The following SLC36A4 variants were observed in gnomAD, a reference collection of about 807,000 sequenced individuals.
The protein encoded by SLC36A4 is neutral amino acid uniporter 4.
In SLC36A4, 49 loss-of-function variants were observed where a neutral mutation model predicts 50.5. That is an observed-to-expected ratio of 0.97 (90% confidence interval 0.77 to 1.23). The LOEUF (loss-of-function observed/expected upper bound fraction) is 1.23. Ranked by LOEUF, SLC36A4 falls within the 50% of genes most tolerant of loss-of-function variation. The pLI is 0.00. For synonymous variants in SLC36A4, 207 were observed against 206.5 expected (o/e 1.00, Z -0.02); for missense variants, 611 against 608.4 (o/e 1.00, Z -0.05).
At chr11:93,162,990 A>C in intron 8 of SLC36A4, 115 bp from the exon 9 acceptor site, 1 of 780,048 alleles carries the variant, frequency 1.3e-6, no homozygotes, top group East Asian at 2.8e-5. Flanking sequence ...TTTTTCCTTT[A>C]AAACACATAT....
At chr11:93,150,860 C>T (rs1332239866) in intron 10 of SLC36A4, among the ~76,000 whole-genome samples, 1 of 151,964 alleles carries the variant, frequency 6.6e-6, no homozygotes, top group African/African-American at 2.4e-5. Context: ...CAAATATGAC[C>T]AGAATCTTGC....
chr11:93,197,412 A>T (rs984314490), intron 1 of SLC36A4: 3 of 335,368 alleles, frequency 8.9e-6, no homozygotes, highest in Non-Finnish European at 1.7e-5. Flanking sequence ...AGCATTTGAA[A>T]AGCAGAACAA....
intron 1 of SLC36A4, among the ~76,000 whole-genome samples, chr11:93,195,700 C>T (rs1182271029): frequency 6.6e-6 from 1 of 152,188 alleles, no homozygotes; most frequent in Non-Finnish European, 1.5e-5. Context: ...CCATCGCCAC[C>T]TCCATCACTC....
At position 93,145,891 on chromosome 11, in the gene SLC36A4, T is replaced by C. The variant is rs543536975; in HGVS notation, c.*2646A>G. On this transcript the variant is annotated 3_prime_UTR_variant, in exon 11 of 11. Coordinates refer to ENST00000326402, the MANE Select transcript of SLC36A4 (RefSeq NM_152313.4). ...AAAGCTAAATTTTCAGAGAAAAAAT[T>C]ACCCACTGGTTATTTTTGCAAATAA... The C allele has an allele frequency of 4.1e-4, 62 of 152,198 alleles. No individual in the cohort carries two copies. Among genetic ancestry groups the C allele is most frequent in the African/African-American group, 1.3e-3 (56 of 41,568 alleles). The allele number at this position is 152,198 out of a possible 1,614,324, so 9.4% of individuals were successfully genotyped here. A position where few individuals can be genotyped will look rare whatever the true frequency, so the allele number is the denominator to read the frequency against.
intron 1 of SLC36A4, chr11:93,197,526 ACACT>A (rs1270470700): frequency 5.6e-6 from 3 of 540,232 alleles, no homozygotes; most frequent in Admixed American, 3.7e-5. Flanking sequence ...CTCAACACAC[ACACT>A]CACCCACACG....
chr11:93,170,748 C>G (rs149565366), intron 6 of SLC36A4, among the ~76,000 whole-genome samples: 1 of 152,020 alleles, frequency 6.6e-6, no homozygotes, highest in Non-Finnish European at 1.5e-5. Context: ...AGAGGAACAA[C>G]TGTAACCACT....
intron 1 of SLC36A4, among the ~76,000 whole-genome samples, chr11:93,196,822 G>A (rs1473839121): frequency 6.6e-6 from 1 of 152,178 alleles, no homozygotes; most frequent in Non-Finnish European, 1.5e-5. Context: ...TAAAATTACT[G>A]TATCTATAAA....
chr11:93,180,461 G>T, intron 6 of SLC36A4: 1 of 337,558 alleles, frequency 3.0e-6, no homozygotes, highest in Non-Finnish European at 4.2e-6. Flanking sequence ...GCCTTATATA[G>T]TTCTTTAAAC....
At chr11:93,157,151 T>C (rs1460093298) in intron 9 of SLC36A4, among the ~76,000 whole-genome samples, 5 of 152,316 alleles carry the variant, frequency 3.3e-5, no homozygotes, top group African/African-American at 1.2e-4. Context: ...ATCAAATAGT[T>C]GCAGGTGTGT....
At chr11:93,165,480 A>C (rs1475570737) in intron 8 of SLC36A4, among the ~76,000 whole-genome samples, 2 of 152,126 alleles carry the variant, frequency 1.3e-5, no homozygotes, top group African/African-American at 4.8e-5. Flanking sequence ...AACTATTCTG[A>C]TTACCTTCAG....
intron 9 of SLC36A4, chr11:93,159,768 A>G (rs1860535615): frequency 2.1e-6 from 2 of 948,202 alleles, no homozygotes; most frequent in Non-Finnish European, 2.5e-6. Flanking sequence ...AGAAAGATTA[A>G]GGGTAATAAT....
intron 8 of SLC36A4, among the ~76,000 whole-genome samples, chr11:93,164,187 T>C (rs1433810640): frequency 1.3e-5 from 2 of 152,182 alleles, no homozygotes; most frequent in Non-Finnish European, 2.9e-5. Context: ...CTAGGAAGTA[T>C]ATGCATGTAT....
chr11:93,158,501 G>C (rs1343386980), intron 9 of SLC36A4, among the ~76,000 whole-genome samples: 1 of 151,990 alleles, frequency 6.6e-6, no homozygotes, highest in Non-Finnish European at 1.5e-5. Flanking sequence ...GAGTAAAAAT[G>C]GGAAATAAAA....
intron 9 of SLC36A4, among the ~76,000 whole-genome samples, chr11:93,157,109 C>G (rs1031079192): frequency 6.6e-6 from 1 of 152,068 alleles, no homozygotes; most frequent in Non-Finnish European, 1.5e-5. Context: ...GAATCCTTTC[C>G]CCATTGCTTG....
At chr11:93,185,903 C>G (rs752271972) in intron 1 of SLC36A4, 89 bp from the exon 2 acceptor site, 36 of 1,143,792 alleles carry the variant, frequency 3.1e-5, no homozygotes, top group Admixed American at 1.8e-4. Flanking sequence ...TTAGGAAACA[C>G]CATTTGTACT....
Position 93,148,269 on chromosome 11 carries a change from G to A in SLC36A4, c.*268C>T, listed in dbSNP as rs542587575. The A allele has an allele frequency of 3.6e-6, 1 of 275,152 alleles. No homozygotes were observed. Among genetic ancestry groups the A allele is most frequent in the East Asian group, 9.4e-5 (1 of 10,612 alleles). The allele number at this position is 275,152 out of a possible 1,614,324, so 17.0% of individuals were successfully genotyped here. On this transcript the variant is annotated 3_prime_UTR_variant, in exon 11 of 11. Coordinates refer to ENST00000326402, the MANE Select transcript of SLC36A4 (RefSeq NM_152313.4). Reference sequence around the variant, plus strand: ...TTACTGAGATAAAAGAATAATAGAAGTATTTTTATTCTTTAATTTTTTTAC... The same window carrying A: ...TTACTGAGATAAAAGAATAATAGAAATATTTTTATTCTTTAATTTTTTTAC...
chr11:93,197,709 G>A, intron 1 of SLC36A4, 69 bp downstream of exon 1: 2 of 1,512,500 alleles, frequency 1.3e-6, no homozygotes, highest in South Asian at 1.2e-5. Flanking sequence ...GGAGGTGTGG[G>A]CGCACCCGAC....
chr11:93,160,550 G>A (rs1450786222), intron 9 of SLC36A4: 2 of 985,218 alleles, frequency 2.0e-6, no homozygotes, highest in Non-Finnish European at 2.4e-6. Context: ...CTACTGCAGG[G>A]ACAGTGTCAC....
At chr11:93,182,738 T>G in intron 4 of SLC36A4, 68 bp downstream of exon 4, 1 of 1,167,532 alleles carries the variant, frequency 8.6e-7, no homozygotes, top group African/African-American at 1.5e-5. Flanking sequence ...CAGTAGAATA[T>G]AAGACTATCT....
Sources: allele counts gnomAD v4.1 joint callset (sites outside exome capture counted in the v4.1 genomes callset), GRCh38; gene constraint gnomAD v4.1.1; transcripts MANE v1.5; gene names NCBI Gene and HGNC (gene_info 2026-07-23, HGNC 2026-07-21).